The following CYP2C19 variants were observed in gnomAD, a reference collection of about 807,000 sequenced individuals.
CYP2C19 encodes the protein cytochrome P450 family 2 subfamily C member 19, also known as cytochrome P450 2C19.
CYP2C19 carries 59 observed loss-of-function variants against 40.9 expected under a neutral mutation model. The observed-to-expected ratio is 1.44, with a 90% CI of 1.17 to 1.79. CYP2C19 has a LOEUF of 1.79. Among genes scored for constraint, CYP2C19 ranks in the 40% most tolerant of loss-of-function variants. The probability of loss-of-function intolerance (pLI) is 0.00; values close to 1 mark genes in which losing one functional copy is unlikely to be tolerated. For synonymous variants in CYP2C19, 253 were observed against 208.7 expected (o/e 1.21, Z -1.83); for missense variants, 754 against 596.9 (o/e 1.26, Z -2.74).
At chr10:94,844,734 T>A (rs1849546297) in intron 7 of CYP2C19, among the ~76,000 whole-genome samples, 1 of 152,214 alleles carries the variant, frequency 6.6e-6, no homozygotes, top group Non-Finnish European at 1.5e-5. Context: ...AAGACTTCAA[T>A]GCACTCTGTT....
chr10:94,837,812 G>A (rs1341917335), intron 6 of CYP2C19, among the ~76,000 whole-genome samples: 1 of 152,174 alleles, frequency 6.6e-6, no homozygotes, highest in East Asian at 1.9e-4. Flanking sequence ...CAGTCCTGCT[G>A]CTGGATCATC....
rs748519771 is a variant in CYP2C19 at position 94,842,946 on chromosome 10, A to G, written c.1071A>G (p.Arg357=). Residue 357 remains arginine, a synonymous_variant, in exon 7 of 9, where the codon AGA becomes AGG. Transcript: ENST00000371321. ...ATGCTGTGGTGCACGAGGTCCAGAG[A>G]TACATCGACCTCATCCCCACCAGCC... is the stretch of plus-strand genomic sequence containing the variant. The part of the protein sequence containing the change: ...YTDAVVHEVQ[R]YIDLIPTSLP... 3 of 1,614,052 alleles carry G rather than the reference A, an allele frequency of 1.9e-6. No homozygotes were observed. The highest frequency in any genetic ancestry group is 1.1e-5 in the South Asian group (1 of 91,088).
At chr10:94,792,508 T>A (rs546088789) in intron 5 of CYP2C19, among the ~76,000 whole-genome samples, 3 of 152,172 alleles carry the variant, frequency 2.0e-5, no homozygotes, top group Non-Finnish European at 4.4e-5. Flanking sequence ...TTCCTTTCCA[T>A]GTTTAGCACC....
chr10:94,785,742 A>G (rs1425293972), intron 5 of CYP2C19, among the ~76,000 whole-genome samples: 1 of 152,136 alleles, frequency 6.6e-6, no homozygotes, highest in East Asian at 1.9e-4. Context: ...GCAGTCATAG[A>G]CAAGCAAGCT....
chr10:94,791,241 A>T (rs1416274087), intron 5 of CYP2C19, among the ~76,000 whole-genome samples: 1 of 151,826 alleles, frequency 6.6e-6, no homozygotes, highest in African/African-American at 2.4e-5. Flanking sequence ...TATTGTGTCT[A>T]TTTGATTCTT....
At chr10:94,770,199 C>T (rs1848308255) in intron 1 of CYP2C19, among the ~76,000 whole-genome samples, 1 of 152,082 alleles carries the variant, frequency 6.6e-6, no homozygotes, top group East Asian at 1.9e-4. Flanking sequence ...CCCTGGGCAC[C>T]CTGAGTCCTG....
chr10:94,834,842 A>G (rs527808354), intron 6 of CYP2C19, among the ~76,000 whole-genome samples: 1 of 152,140 alleles, frequency 6.6e-6, no homozygotes, highest in African/African-American at 2.4e-5. Context: ...CTTCCCAGGT[A>G]GGCTTAGGGA....
chr10:94,791,292 AT>A (rs2134246014), intron 5 of CYP2C19, among the ~76,000 whole-genome samples: 1 of 151,974 alleles, frequency 6.6e-6, no homozygotes, highest in East Asian at 1.9e-4. Flanking sequence ...CAGTCTATCA[AT>A]TTTGTTGATC....
At chr10:94,776,088 A>C (rs1011572731) in intron 3 of CYP2C19, 6 of 158,838 alleles carry the variant, frequency 3.8e-5, no homozygotes, top group African/African-American at 1.2e-4. Context: ...TTGCTTAGGC[A>C]TATCTTAGTG....
chr10:94,834,981 T>C (rs1235692391), intron 6 of CYP2C19, among the ~76,000 whole-genome samples: 1 of 151,856 alleles, frequency 6.6e-6, no homozygotes, highest in Non-Finnish European at 1.5e-5. Flanking sequence ...TGGGGTGTAG[T>C]AGGGGTGGTG....
At chr10:94,777,908 T>A (rs1030861451) in intron 3 of CYP2C19, among the ~76,000 whole-genome samples, 1 of 152,072 alleles carries the variant, frequency 6.6e-6, no homozygotes, top group Non-Finnish European at 1.5e-5. Flanking sequence ...GACTAAGGTC[T>A]AATATCCAGA....
At chr10:94,790,999 G>A (rs554446456) in intron 5 of CYP2C19, among the ~76,000 whole-genome samples, 58 of 152,182 alleles carry the variant, frequency 3.8e-4, no homozygotes, top group African/African-American at 1.3e-3. Flanking sequence ...TCTGGTTCTG[G>A]ACTTTTTTTG....
intron 6 of CYP2C19, among the ~76,000 whole-genome samples, chr10:94,835,949 T>G (rs1849396753): frequency 6.6e-6 from 1 of 152,166 alleles, no homozygotes; most frequent in South Asian, 2.1e-4. Flanking sequence ...CTTCCATCAG[T>G]GTACAAGTTG....
At position 94,775,370 on chromosome 10, in the gene CYP2C19, T is replaced by A; in HGVS notation, c.332-20T>A. Reference sequence around the variant, plus strand: ...TCTTGCCTGGGATCTCCCTCCTAGTTTCGTTTCTCTTCCTGTTAGGAATCG... The same window carrying A: ...TCTTGCCTGGGATCTCCCTCCTAGTATCGTTTCTCTTCCTGTTAGGAATCG... On this transcript the variant is annotated intron_variant, in intron 2 of 8. Transcript: ENST00000371321. The A allele has an allele frequency of 6.2e-7, 1 of 1,613,454 alleles. No homozygotes were observed. Among genetic ancestry groups the A allele is most frequent in the Non-Finnish European group, 8.5e-7 (1 of 1,180,012 alleles).
intron 5 of CYP2C19, among the ~76,000 whole-genome samples, chr10:94,810,494 G>A (rs546489611): frequency 2.6e-4 from 39 of 152,030 alleles, no homozygotes; most frequent in Non-Finnish European, 4.0e-4. Flanking sequence ...GGTAGAATTC[G>A]GCTGTGAATC....
Position 94,817,972 on chromosome 10 carries a change from C to G in CYP2C19, c.820-2524C>G, listed in dbSNP as rs1849036796. Among the ~76,000 whole-genome samples the G allele has an allele frequency of 2.1e-5, 3 of 145,758 alleles. No individual in the cohort carries two copies. The Admixed American group carries it at 2.1e-4, about 10-fold the overall frequency. ...AGCTTGCAGTGAGCCGAGATCCCGC[C>G]ACTGCACTCCAGCCTGGGCGACAGA... On this transcript the variant is annotated intron_variant, in intron 5 of 8. Transcript: ENST00000371321.
chr10:94,808,138 T>G (rs1457604380), intron 5 of CYP2C19, among the ~76,000 whole-genome samples: 4 of 152,128 alleles, frequency 2.6e-5, no homozygotes, highest in South Asian at 4.1e-4. Flanking sequence ...CTTTCATCAG[T>G]GAATGTTCTT....
At chr10:94,789,375 T>C (rs1243703570) in intron 5 of CYP2C19, among the ~76,000 whole-genome samples, 1 of 152,080 alleles carries the variant, frequency 6.6e-6, no homozygotes, top group Non-Finnish European at 1.5e-5. Context: ...AATTTTGGTT[T>C]TTGTTGCCAT....
intron 1 of CYP2C19, among the ~76,000 whole-genome samples, chr10:94,772,180 C>G (rs573556864): frequency 6.6e-5 from 10 of 152,202 alleles, no homozygotes; most frequent in Non-Finnish European, 1.2e-4. Flanking sequence ...TTTATATGAA[C>G]AGGAAGGATA....
Sources: gnomAD v4.1 joint callset for allele counts (sites outside exome capture counted in the v4.1 genomes callset) on GRCh38, gnomAD v4.1.1 for gene constraint, MANE v1.5 for transcripts, NCBI Gene and HGNC (gene_info 2026-07-23, HGNC 2026-07-21) for gene names.